RSF1: variants seen among roughly 807,000 people sequenced by gnomAD.
The protein encoded by RSF1 is HBV pX-associated protein 8.
Under a neutral mutation model 145.2 loss-of-function variants are expected in RSF1, and 13 were observed. That is an observed-to-expected ratio of 0.09 (90% CI 0.06 to 0.14). The LOEUF (loss-of-function observed/expected upper bound fraction) is 0.14, where lower values mean the gene tolerates loss of function less well. RSF1 is among the 10% of genes least tolerant of loss of function. RSF1 has a pLI of 1.00. For synonymous variants in RSF1, 577 were observed against 592.6 expected (o/e 0.97, Z 0.38); for missense variants, 1,517 against 1,718.2 (o/e 0.88, Z 2.07).
intron 1 of RSF1, among the ~76,000 whole-genome samples, chr11:77,796,467 A>G (rs753480416): frequency 1.1e-4 from 17 of 152,360 alleles, no homozygotes; most frequent in Non-Finnish European, 1.9e-4. Context: ...ACAGCCTTTC[A>G]TGCTAAAAAA....
At position 77,685,140 on chromosome 11, in the gene RSF1, C is replaced by A; in HGVS notation, c.2920G>T (p.Val974Phe). 6.4e-7 allele frequency: 1 copy of A among 1,565,690 alleles called. No individual in the cohort carries two copies. The highest frequency in any genetic ancestry group is 8.6e-7 in the Non-Finnish European group (1 of 1,156,288). ...ATGATGTTTTCAATACTGATACCAA[C>A]ATACACCAAGCGTTCTTTTCTTTAG... The part of the protein sequence containing the change: ...AERRKERLVY[V>F]GISIENIIPP... The change falls in exon 10 of 16, where the codon GTT becomes TTT. Residue 974 changes from valine (V) to phenylalanine (F), a missense_variant. By Grantham distance (50) the Val-to-Phe change is conservative. This residue lies in a region of RSF1 where 29 missense variants were observed against 102.3 expected (regional missense o/e 0.28). Transcript: ENST00000308488.
chr11:77,752,942 T>C (rs1193247419), intron 2 of RSF1, among the ~76,000 whole-genome samples: 1 of 152,156 alleles, frequency 6.6e-6, no homozygotes, highest in African/African-American at 2.4e-5. Context: ...TCCTCACTGC[T>C]ACATTCCCAC....
Position 77,734,757 on chromosome 11 carries a change from G to A in RSF1, c.578+5974C>T, listed in dbSNP as rs554289869. On this transcript the variant is annotated intron_variant, in intron 4 of 15. Coordinates refer to ENST00000308488, the MANE Select transcript of RSF1 (RefSeq NM_016578.4). Reference sequence around the variant, plus strand: ...TCAGCCCGCTCTCCCAGTCATCACAGTCTGGTTTTTTGATATCCTGAAGGA... The same window carrying A: ...TCAGCCCGCTCTCCCAGTCATCACAATCTGGTTTTTTGATATCCTGAAGGA... The A allele has an allele frequency of 1.0e-4, 163 of 1,568,610 alleles. No individual in the cohort carries two copies. The East Asian group carries it at 2.9e-3, about 28-fold the overall frequency.
At chr11:77,730,751 T>C (rs1961186753) in intron 4 of RSF1, among the ~76,000 whole-genome samples, 1 of 152,222 alleles carries the variant, frequency 6.6e-6, no homozygotes, top group Admixed American at 6.5e-5. Context: ...CGAGATCTGA[T>C]GGTTTTGAAA....
intron 1 of RSF1, among the ~76,000 whole-genome samples, chr11:77,767,063 G>A (rs7930066): frequency 0.18 from 26,892 of 151,968 alleles, 2,970 homozygotes; most frequent in African/African-American, 0.29. Flanking sequence ...CTATATAAGG[G>A]GACAATGGTT....
intron 5 of RSF1, among the ~76,000 whole-genome samples, chr11:77,714,265 G>C (rs1355823971): frequency 6.6e-6 from 1 of 152,138 alleles, no homozygotes; most frequent in African/African-American, 2.4e-5. Flanking sequence ...TAGTACCTGA[G>C]AATCTTTAAG....
chr11:77,785,516 G>A (rs1464130535), intron 1 of RSF1, among the ~76,000 whole-genome samples: 2 of 152,016 alleles, frequency 1.3e-5, no homozygotes, highest in Non-Finnish European at 2.9e-5. Flanking sequence ...CTTGAACCTG[G>A]GAGGCGGAGG....
At chr11:77,841,724 C>G in the RSF1 span, among the ~76,000 whole-genome samples, 1 of 152,152 alleles carries the variant, frequency 6.6e-6, no homozygotes, top group African/African-American at 2.4e-5. Context: ...ATGTAGAGAG[C>G]TTATAAAGCC....
chr11:77,672,292 G>T, intron 14 of RSF1, 62 bp from the exon 15 acceptor site: 1 of 1,358,264 alleles, frequency 7.4e-7, no homozygotes, highest in Non-Finnish European at 1.0e-6. Context: ...TGTAGCTTAG[G>T]TTATAAAAAT....
At chr11:77,801,570 A>G (rs1273940804) in intron 1 of RSF1, among the ~76,000 whole-genome samples, 1 of 152,190 alleles carries the variant, frequency 6.6e-6, no homozygotes, top group African/African-American at 2.4e-5. Context: ...GGTTCCTGAC[A>G]CAGAGCTCCT....
intron 3 of RSF1, among the ~76,000 whole-genome samples, chr11:77,742,179 T>A (rs1351762683): frequency 6.6e-6 from 1 of 152,230 alleles, no homozygotes; most frequent in African/African-American, 2.4e-5. Context: ...GGATGCTGAA[T>A]CATATGGTAG....
chr11:77,678,031 C>T (rs1789268194), intron 12 of RSF1, 55 bp downstream of exon 12: 2 of 1,336,538 alleles, frequency 1.5e-6, no homozygotes, highest in Admixed American at 1.7e-5. Flanking sequence ...ATTTGGGCAC[C>T]TGAATGAACT....
intron 2 of RSF1, chr11:77,762,969 G>A (rs957620474): frequency 2.0e-5 from 3 of 152,152 alleles, no homozygotes; most frequent in African/African-American, 7.2e-5. Flanking sequence ...ACAAAGTTAA[G>A]CTTACTGGCA....
rs199996472 is a variant in RSF1 at position 77,711,120 on chromosome 11, CT to C, written c.734-8626del. Among the ~76,000 whole-genome samples the C allele has an allele frequency of 1.4e-3, 202 of 149,094 alleles. 2 individuals are homozygous for C. The East Asian group carries it at 0.028, about 21-fold the overall frequency. On this transcript the variant is annotated intron_variant, in intron 5 of 15. Transcript: ENST00000308488. ...GGAAACACACACATAGACACCCCCCCTGACCCCCACACATTTTTAACTTAAA... is the reference window on the plus strand; with the variant it reads ...GGAAACACACACATAGACACCCCCCCGACCCCCACACATTTTTAACTTAAA...
intron 10 of RSF1, among the ~76,000 whole-genome samples, chr11:77,684,790 C>T (rs147959074): frequency 0.014 from 2,119 of 152,192 alleles, 52 homozygotes; most frequent in African/African-American, 0.047. Flanking sequence ...GAGTTCGAGA[C>T]CATCCTGGCC....
chr11:77,835,648 G>T, the RSF1 span, among the ~76,000 whole-genome samples: 1 of 152,188 alleles, frequency 6.6e-6, no homozygotes, highest in African/African-American at 2.4e-5. Context: ...GCCAGGCGTG[G>T]TGGCTCACGC....
intron 1 of RSF1, among the ~76,000 whole-genome samples, chr11:77,766,387 T>C (rs1948226095): frequency 1.3e-5 from 2 of 152,174 alleles, no homozygotes; most frequent in Admixed American, 1.3e-4. Context: ...CTTTGAAATA[T>C]AAAAACATTC....
chr11:77,824,670 C>A (rs548981073), upstream of RSF1, among the ~76,000 whole-genome samples: 106 of 152,234 alleles, frequency 7.0e-4, no homozygotes, highest in Non-Finnish European at 1.3e-3. Flanking sequence ...CAAAACTAAT[C>A]TGTGGCAATA....
chr11:77,790,907 G>A (rs1299801470), intron 1 of RSF1, among the ~76,000 whole-genome samples: 1 of 152,218 alleles, frequency 6.6e-6, no homozygotes, highest in Non-Finnish European at 1.5e-5. Flanking sequence ...TCATGGGCTA[G>A]TGTTGACTGT....
Sources: gnomAD v4.1 joint callset for allele counts (sites outside exome capture counted in the v4.1 genomes callset) on GRCh38, gnomAD v4.1.1 for gene constraint, gnomAD v4.1.1 regional missense constraint, MANE v1.5 for transcripts, NCBI Gene and HGNC (gene_info 2026-07-23, HGNC 2026-07-21) for gene names.